Variants in HBP1 observed in about 807,000 individuals in gnomAD.
HBP1 encodes the protein HMG box-containing protein 1.
HBP1 carries 20 observed loss-of-function variants against 62.6 expected under a neutral mutation model. The observed-to-expected ratio is 0.32, with a 90% CI of 0.22 to 0.46. The LOEUF is 0.46. Ranked by LOEUF, HBP1 falls within the 20% of genes least tolerant of loss-of-function variation. The pLI, the probability that HBP1 is intolerant of heterozygous loss-of-function variation, is 1.00. For missense variants in HBP1, 480 were observed against 611.8 expected (o/e 0.78, Z 2.27); for synonymous variants, 232 against 206.2 (o/e 1.12, Z -1.07).
Position 107,182,482 on chromosome 7 carries a change from A to G in HBP1, c.279A>G (p.Gln93=), listed in dbSNP as rs1584485246. The G allele has an allele frequency of 1.2e-6, 2 of 1,612,400 alleles. No individual in the cohort carries two copies. The highest frequency in any genetic ancestry group is 1.7e-6 in the Non-Finnish European group (2 of 1,178,402). ...AATACCCAAGATCATCTTGGAACCA[A>G]AATACCTCAGACATACCAGAAACTA... is the stretch of plus-strand genomic sequence containing the variant. ...HQEYPRSSWN[Q]NTSDIPETTY... Residue 93 remains glutamine, a synonymous_variant, in exon 3 of 11, where the codon CAA becomes CAG. Coordinates refer to ENST00000222574, the MANE Select transcript of HBP1 (RefSeq NM_012257.4).
intron 6 of HBP1, 55 bp from the exon 7 acceptor site, chr7:107,189,237 A>AATT (rs1157262421): frequency 6.9e-7 from 1 of 1,440,730 alleles, no homozygotes; most frequent in Non-Finnish European, 9.6e-7. Context: ...TGGGAACTTC[A>AATT]CAGTGTTTTG....
intron 1 of HBP1, among the ~76,000 whole-genome samples, chr7:107,173,810 G>C (rs923849719): frequency 6.6e-6 from 1 of 152,168 alleles, no homozygotes; most frequent in Non-Finnish European, 1.5e-5. Flanking sequence ...CACTGATCTC[G>C]TGAAGAGATG....
At chr7:107,176,804 G>T (rs1796873054) in intron 1 of HBP1, among the ~76,000 whole-genome samples, 1 of 150,560 alleles carries the variant, frequency 6.6e-6, no homozygotes, top group South Asian at 2.1e-4. Flanking sequence ...CGCTAGTTCT[G>T]TGGGGGAAAT....
intron 5 of HBP1, 24 bp from the exon 6 acceptor site, chr7:107,186,545 A>C: frequency 6.4e-7 from 1 of 1,561,138 alleles, no homozygotes; most frequent in South Asian, 1.1e-5. Flanking sequence ...CGTGTCTAAT[A>C]CGTGTTTTCT....
intron 8 of HBP1, among the ~76,000 whole-genome samples, chr7:107,191,598 T>G (rs1166906500): frequency 6.6e-6 from 1 of 152,206 alleles, no homozygotes; most frequent in African/African-American, 2.4e-5. Context: ...GTATCAATAC[T>G]TATTAACTGG....
chr7:107,198,522 T>C lies in HBP1; in HGVS notation c.1386-1638T>C, dbSNP rs78076314. On this transcript the variant is annotated intron_variant, in intron 9 of 10. Coordinates refer to ENST00000222574, the MANE Select transcript of HBP1 (RefSeq NM_012257.4). ...ACCGTGCCCAGCCAAATCTGGTATTTTCTTTGCATTTTAGCATTGCTCCCA... is the reference window on the plus strand; with the variant it reads ...ACCGTGCCCAGCCAAATCTGGTATTCTCTTTGCATTTTAGCATTGCTCCCA... 2.8e-4 allele frequency among the ~76,000 whole-genome samples: 43 copies of C among 152,310 alleles called. No individual in the cohort carries two copies. The East Asian group carries it at 7.9e-3, about 28-fold the overall frequency.
rs771969735 is a variant in HBP1 at position 107,200,259 on chromosome 7, A to G, written c.1485A>G (p.Lys495=). ...CAAAGGCTTTGGCTGAAGAACAGAA[A>G]CGTTTAAATCCTGACTGTTGGAAGA... is the stretch of plus-strand genomic sequence containing the variant. The part of the protein sequence containing the change: ...LEAKALAEEQ[K]RLNPDCWKRK... The change falls in exon 10 of 11, where the codon AAA becomes AAG. Residue 495 remains lysine, a synonymous_variant. Coordinates refer to ENST00000222574, the MANE Select transcript of HBP1 (RefSeq NM_012257.4). The G allele has an allele frequency of 1.2e-6, 2 of 1,613,578 alleles. No homozygotes were observed. Among genetic ancestry groups the G allele is most frequent in the East Asian group, 4.5e-5 (2 of 44,860 alleles).
At chr7:107,174,197 T>C (rs1796732016) in intron 1 of HBP1, among the ~76,000 whole-genome samples, 1 of 152,202 alleles carries the variant, frequency 6.6e-6, no homozygotes, top group Non-Finnish European at 1.5e-5. Flanking sequence ...GAGTGACCTG[T>C]CCCCGGTTAC....
chr7:107,201,495 A>C lies in HBP1; in HGVS notation c.*64A>C. ...ACATTGACTCTTGATGGAAAGACTT[A>C]AGAAGATCAAGGTCTCACCATTTGT... On this transcript the variant is annotated 3_prime_UTR_variant, in exon 11 of 11. Coordinates refer to ENST00000222574, the MANE Select transcript of HBP1 (RefSeq NM_012257.4). 1 of 1,011,990 alleles carries C rather than the reference A, an allele frequency of 9.9e-7. No homozygotes were observed. Among genetic ancestry groups the C allele is most frequent in the Non-Finnish European group, 1.6e-6 (1 of 643,064 alleles). The allele number at this position is 1,011,990 out of a possible 1,614,324, so 62.7% of individuals were successfully genotyped here.
In HBP1 at chr7:107,189,141, T is replaced by G. The variant is rs186383073; in HGVS notation, c.766-151T>G. On this transcript the variant is annotated intron_variant, in intron 6 of 10. Transcript: ENST00000222574. ...AGTCTAGTTATTTATATATGTGTCT[T>G]TCTTCACTACCGGGTTTGAAAGCTC... 3.8e-4 allele frequency: 214 copies of G among 567,474 alleles called. 1 individual carries two copies. Among genetic ancestry groups the G allele is most frequent in the Admixed American group, 3.0e-3 (88 of 29,546 alleles). 35.2% of individuals were successfully genotyped at this position (567,474 alleles called of 1,614,324 possible).
At chr7:107,197,707 T>C (rs1333881120) in intron 9 of HBP1, among the ~76,000 whole-genome samples, 1 of 152,224 alleles carries the variant, frequency 6.6e-6, no homozygotes, top group Admixed American at 6.5e-5. Context: ...GTTTTAACTC[T>C]TGGATCTGTC....
Position 107,179,865 on chromosome 7 carries a change from G to T in HBP1, c.-15-14G>T. The stretch of plus-strand genomic sequence containing the variant: ...TGGCTTGACATCATTTCTTAATGTC[G>T]TTTTTATTTTAAGTCAGAGCACCAT... On this transcript the variant is annotated splice_polypyrimidine_tract_variant and intron_variant, in intron 1 of 10. Coordinates refer to ENST00000222574, the MANE Select transcript of HBP1 (RefSeq NM_012257.4). The T allele has an allele frequency of 6.5e-7, 1 of 1,541,836 alleles. No homozygotes were observed. The highest frequency in any genetic ancestry group is 1.7e-5 in the Admixed American group (1 of 58,280).
intron 1 of HBP1, chr7:107,173,629 T>A (rs1333961155): frequency 2.6e-5 from 4 of 152,228 alleles, no homozygotes; most frequent in African/African-American, 9.6e-5. Flanking sequence ...CTTCATTCAT[T>A]GAGACTTAGG....
chr7:107,201,638 A>T lies in HBP1; in HGVS notation c.*207A>T, dbSNP rs996635341. 9.4e-6 allele frequency: 4 copies of T among 426,026 alleles called. No individual in the cohort carries two copies. The highest frequency in any genetic ancestry group is 6.1e-5 in the African/African-American group (3 of 49,002). 26.4% of individuals were successfully genotyped at this position (426,026 alleles called of 1,614,324 possible). ...TAAGCTAAAACTATCAACATTTTAA[A>T]CCAAATTGCCTTATTTTTCTTCCAA... is the stretch of plus-strand genomic sequence containing the variant. On this transcript the variant is annotated 3_prime_UTR_variant, in exon 11 of 11. Transcript: ENST00000222574.
chr7:107,186,918 C>T (rs922894146), intron 6 of HBP1, among the ~76,000 whole-genome samples: 5 of 152,078 alleles, frequency 3.3e-5, no homozygotes, highest in Admixed American at 6.6e-5. Context: ...GGTGCTTCTT[C>T]GTGTTTTATA....
intron 3 of HBP1, among the ~76,000 whole-genome samples, chr7:107,183,597 A>C (rs1797213905): frequency 6.6e-6 from 1 of 151,818 alleles, no homozygotes; most frequent in Admixed American, 6.6e-5. Flanking sequence ...AAAGCTAAAA[A>C]TTCTTTTATT....
intron 1 of HBP1, among the ~76,000 whole-genome samples, chr7:107,169,553 A>G (rs1423544175): frequency 7.4e-6 from 1 of 134,920 alleles, no homozygotes; most frequent in Non-Finnish European, 1.5e-5. Context: ...GGAAAGTTTG[A>G]CTTCAACTCC....
Position 107,201,514 on chromosome 7 carries a change from C to A in HBP1, c.*83C>A. The A allele has an allele frequency of 1.3e-6, 1 of 781,812 alleles. No individual in the cohort carries two copies. The highest frequency in any genetic ancestry group is 2.2e-6 in the Non-Finnish European group (1 of 459,988). The allele number at this position is 781,812 out of a possible 1,614,324, so 48.4% of individuals were successfully genotyped here. ...AGACTTAAGAAGATCAAGGTCTCAC[C>A]ATTTGTCCTCAATTCGTGTGACCAT... On this transcript the variant is annotated 3_prime_UTR_variant, in exon 11 of 11. Transcript: ENST00000222574.
intron 9 of HBP1, among the ~76,000 whole-genome samples, chr7:107,199,873 T>C (rs1798138421): frequency 6.6e-6 from 1 of 152,216 alleles, no homozygotes; most frequent in Non-Finnish European, 1.5e-5. Context: ...TCCACTATGA[T>C]TGAATGAGAA....
Sources: gnomAD v4.1 joint callset for allele counts (sites outside exome capture counted in the v4.1 genomes callset) on GRCh38, gnomAD v4.1.1 for gene constraint, MANE v1.5 for transcripts, NCBI Gene and HGNC (gene_info 2026-07-23, HGNC 2026-07-21) for gene names.